RIN2: variants seen among roughly 807,000 people sequenced by gnomAD.
RIN2 encodes the protein Ras and Rab interactor 2.
RIN2 carries 36 observed loss-of-function variants against 78.0 expected under a neutral mutation model. The ratio of observed to expected loss-of-function variants is 0.46; its 90% confidence interval spans 0.35 to 0.61. The LOEUF is 0.61. Among genes scored for constraint, RIN2 ranks in the 20% least tolerant of loss-of-function variants. The pLI, the probability that RIN2 is intolerant of heterozygous loss-of-function variation, is 0.00. For synonymous variants in RIN2, 466 were observed against 466.8 expected (o/e 1.00, Z 0.02); for missense variants, 1,087 against 1,159.7 (o/e 0.94, Z 0.91).
At chr20:19,902,584 C>G (rs1316222428) in intron 3 of RIN2, among the ~76,000 whole-genome samples, 1 of 152,184 alleles carries the variant, frequency 6.6e-6, no homozygotes, top group Non-Finnish European at 1.5e-5. Flanking sequence ...TGCCCACTGA[C>G]AGAGGCATAG....
chr20:19,891,480 G>T (rs6046427), intron 3 of RIN2, among the ~76,000 whole-genome samples: 3,423 of 152,254 alleles, frequency 0.022, 136 homozygotes, highest in African/African-American at 0.076. Context: ...AAGCACAGTG[G>T]AGCCGTATCT....
At chr20:19,993,699 T>A (rs1332543161) in intron 11 of RIN2, among the ~76,000 whole-genome samples, 1 of 152,154 alleles carries the variant, frequency 6.6e-6, no homozygotes, top group Non-Finnish European at 1.5e-5. Context: ...GGAGCTTTTC[T>A]TGCCTGCTCT....
At chr20:19,984,225 G>A (rs1197135912) in intron 9 of RIN2, among the ~76,000 whole-genome samples, 1 of 152,012 alleles carries the variant, frequency 6.6e-6, no homozygotes, top group Non-Finnish European at 1.5e-5. Flanking sequence ...TTAACTACAG[G>A]GATACATCTG....
intron 3 of RIN2, among the ~76,000 whole-genome samples, chr20:19,926,289 A>C (rs572470478): frequency 6.6e-6 from 1 of 152,174 alleles, no homozygotes; most frequent in Non-Finnish European, 1.5e-5. Flanking sequence ...TTACAATTAA[A>C]TATCAAAAAT....
At chr20:19,862,937 A>G (rs2037391298) in intron 2 of RIN2, among the ~76,000 whole-genome samples, 1 of 152,202 alleles carries the variant, frequency 6.6e-6, no homozygotes, top group Non-Finnish European at 1.5e-5. Context: ...TCTGCCCTCC[A>G]GCGTGGAGCC....
chr20:19,833,459 T>C (rs1003144903), intron 2 of RIN2, among the ~76,000 whole-genome samples: 4 of 152,148 alleles, frequency 2.6e-5, no homozygotes, highest in Non-Finnish European at 5.9e-5. Flanking sequence ...CCCCTTCCCG[T>C]GTCCACATAA....
intron 1 of RIN2, among the ~76,000 whole-genome samples, chr20:19,772,915 C>T (rs552692115): frequency 2.6e-5 from 4 of 152,356 alleles, no homozygotes; most frequent in Non-Finnish European, 4.4e-5. Flanking sequence ...GTAATAACCT[C>T]AGGGTGTCCC....
rs368623885 is a variant in RIN2, at chr20:19,960,822, A to G, written c.463+11A>G. The G allele has an allele frequency of 6.5e-7, 1 of 1,535,316 alleles. No individual in the cohort carries two copies. The highest frequency in any genetic ancestry group is 2.3e-5 in the East Asian group (1 of 42,922). Reference sequence around the variant, plus strand: ...AGGAAAGCACATACAGTAAGTGGTCATTGGATGCTCAGGTCCTGACTGACA... The same window carrying G: ...AGGAAAGCACATACAGTAAGTGGTCGTTGGATGCTCAGGTCCTGACTGACA... On this transcript the variant is annotated intron_variant, in intron 6 of 12. Coordinates refer to ENST00000255006, the MANE Select transcript of RIN2 (RefSeq NM_018993.4).
At chr20:19,991,835 C>A (rs2042806277) in intron 10 of RIN2, among the ~76,000 whole-genome samples, 1 of 152,172 alleles carries the variant, frequency 6.6e-6, no homozygotes, top group African/African-American at 2.4e-5. Context: ...ATTTTGTAAG[C>A]ATTTTATAAT....
intron 3 of RIN2, among the ~76,000 whole-genome samples, chr20:19,927,983 A>G (rs1600835068): frequency 6.6e-6 from 1 of 151,996 alleles, no homozygotes; most frequent in Non-Finnish European, 1.5e-5. Context: ...GCTCACTGCA[A>G]CCTCCACCAC....
intron 4 of RIN2, among the ~76,000 whole-genome samples, chr20:19,936,730 C>T (rs1314412315): frequency 2.6e-5 from 4 of 152,246 alleles, no homozygotes; most frequent in African/African-American, 9.6e-5. Flanking sequence ...TTTAACATTT[C>T]CTTCCATCTT....
At chr20:19,864,839 A>C (rs530156733) in intron 2 of RIN2, among the ~76,000 whole-genome samples, 24 of 152,308 alleles carry the variant, frequency 1.6e-4, no homozygotes, top group African/African-American at 3.8e-4. Context: ...TACCAGACAA[A>C]TTTTATTTGT....
chr20:19,802,232 G>C (rs1034382124), intron 2 of RIN2, among the ~76,000 whole-genome samples: 1 of 152,138 alleles, frequency 6.6e-6, no homozygotes, highest in African/African-American at 2.4e-5. Flanking sequence ...CACCCAGTTA[G>C]GCAGTATCAA....
rs1298619099 is a variant in RIN2 at position 19,975,199 on chromosome 20, A to G, written c.1174A>G (p.Thr392Ala). The G allele has an allele frequency of 6.2e-7, 1 of 1,602,166 alleles. No individual in the cohort carries two copies. The highest frequency in any genetic ancestry group is 1.3e-5 in the African/African-American group (1 of 74,676). Reference protein sequence around the residue: ...PGAGPELELGTAGSPGGAPPE... With the variant: ...PGAGPELELGAAGSPGGAPPE... ...CGCAGGCCCGGAGCTGGAGCTGGGC[A>G]CAGCTGGCAGCCCAGGTGGGGCCCC... Residue 392 changes from threonine to alanine, a missense_variant, in exon 9 of 13, where the codon ACA (threonine) becomes GCA (alanine). Coordinates refer to ENST00000255006, the MANE Select transcript of RIN2 (RefSeq NM_018993.4). This position sits in a 1 kb window ranked among gnomAD's most constrained non-coding sequence, Gnocchi z 4.9.
At chr20:19,983,603 T>A (rs942265389) in intron 9 of RIN2, among the ~76,000 whole-genome samples, 2 of 151,758 alleles carry the variant, frequency 1.3e-5, no homozygotes, top group Non-Finnish European at 2.9e-5. Flanking sequence ...TTTACCTTTT[T>A]AAAAAAAAAT....
At chr20:19,886,146 T>C (rs1446484268) in intron 2 of RIN2, among the ~76,000 whole-genome samples, 3 of 152,198 alleles carry the variant, frequency 2.0e-5, no homozygotes, top group African/African-American at 7.2e-5. Context: ...CCCAGTTCCA[T>C]TGATCAGTGA....
At chr20:19,912,470 T>C (rs2039511278) in intron 3 of RIN2, among the ~76,000 whole-genome samples, 1 of 117,542 alleles carries the variant, frequency 8.5e-6, no homozygotes, top group African/African-American at 3.6e-5. Context: ...TTTCTTTTTC[T>C]TTTTCTTTTT....
intron 2 of RIN2, among the ~76,000 whole-genome samples, chr20:19,860,992 A>G (rs1359865606): frequency 6.6e-6 from 1 of 152,220 alleles, no homozygotes; most frequent in East Asian, 1.9e-4. Flanking sequence ...TTCTTTCACT[A>G]TTACAAATCC....
intron 5 of RIN2, among the ~76,000 whole-genome samples, chr20:19,959,313 T>C (rs1480286328): frequency 6.6e-6 from 1 of 152,046 alleles, no homozygotes; most frequent in African/African-American, 2.4e-5. Context: ...CTCAGGGAGA[T>C]CTCCACTTGG....
Sources: gnomAD v4.1 joint callset for allele counts (sites outside exome capture counted in the v4.1 genomes callset) on GRCh38, gnomAD v4.1.1 for gene constraint, Gnocchi (gnomAD v3.1) non-coding constraint, MANE v1.5 for transcripts, NCBI Gene and HGNC (gene_info 2026-07-23, HGNC 2026-07-21) for gene names.